The following LRRC7 variants were observed in gnomAD, a reference collection of about 807,000 sequenced individuals.
LRRC7 encodes leucine-rich repeat-containing protein 7.
LRRC7 carries 23 observed loss-of-function variants against 175.7 expected under a neutral mutation model. The ratio of observed to expected loss-of-function variants is 0.13; its 90% CI spans 0.09 to 0.19. LRRC7 has a LOEUF of 0.19. LRRC7 is among the 10% of genes least tolerant of loss of function. LRRC7 has a pLI of 1.00. For synonymous variants in LRRC7, 685 were observed against 680.9 expected, an observed-to-expected ratio of 1.01 and a Z score of -0.09; for missense variants, 1,354 against 1,904.7, an observed-to-expected ratio of 0.71 and a Z score of 5.38.
chr1:69,687,905 C>A (rs1193396107), intron 2 of LRRC7, among the ~76,000 whole-genome samples: 1 of 152,130 alleles, frequency 6.6e-6, no homozygotes, highest in South Asian at 2.1e-4. Flanking sequence ...ATGATTTAGC[C>A]TTTTTCTAAT....
chr1:69,737,229 G>A (rs1488927433), intron 2 of LRRC7, among the ~76,000 whole-genome samples: 3 of 152,082 alleles, frequency 2.0e-5, no homozygotes, highest in Admixed American at 6.6e-5. Context: ...TGTTGTGAGA[G>A]GAACCTGGTG....
At chr1:69,827,292 A>C (rs1483273227) in intron 5 of LRRC7, among the ~76,000 whole-genome samples, 1 of 152,082 alleles carries the variant, frequency 6.6e-6, no homozygotes, top group African/African-American at 2.4e-5. Context: ...CTTATTTAGG[A>C]ATCATGGTAG....
In LRRC7 at chr1:70,139,888, AT is replaced by A. The variant is rs1667000853; in HGVS notation, c.*18003del. 6.6e-6 allele frequency: 1 copy of A among 152,154 alleles called. No homozygotes were observed. The highest frequency in any genetic ancestry group is 2.4e-5 in the African/African-American group (1 of 41,440). 9.4% of individuals were successfully genotyped at this position (152,154 alleles called of 1,614,324 possible). A position where few individuals can be genotyped will look rare whatever the true frequency, so the allele number is the denominator to read the frequency against. On this transcript the variant is annotated 3_prime_UTR_variant, in exon 27 of 27. Transcript: ENST00000651989. ...TACAGTCTGGTTTGATCAGTTTATT[AT>A]TAAGTACTGAATGACAGAGAAGGGT...
At chr1:69,708,724 G>A (rs915496885) in intron 2 of LRRC7, among the ~76,000 whole-genome samples, 4 of 152,148 alleles carry the variant, frequency 2.6e-5, no homozygotes, top group Admixed American at 6.5e-5. Flanking sequence ...GATCTAAGGA[G>A]TCTCTGTTGG....
chr1:70,027,891 G>A (rs1658292464), intron 17 of LRRC7, among the ~76,000 whole-genome samples: 1 of 152,126 alleles, frequency 6.6e-6, no homozygotes, highest in Admixed American at 6.6e-5. Context: ...AATCACTTAA[G>A]TGTTTTGACC....
rs978466620 is a variant in LRRC7, at chr1:69,568,195, C to T, written c.-445C>T. Reference sequence around the variant, plus strand: ...TTGTTACGGAGTTGGGTGCAGGATTCGCCTTTCCTGCTTGTCTCTTCTCCG... The same window carrying T: ...TTGTTACGGAGTTGGGTGCAGGATTTGCCTTTCCTGCTTGTCTCTTCTCCG... On this transcript the variant is annotated 5_prime_UTR_variant, in exon 1 of 27. Coordinates refer to ENST00000651989, the MANE Select transcript of LRRC7 (RefSeq NM_001370785.2). Among the ~76,000 whole-genome samples, 2 of 152,036 alleles carry T rather than the reference C, an allele frequency of 1.3e-5. No homozygotes were observed. Among genetic ancestry groups the T allele is most frequent in the African/African-American group, 4.8e-5 (2 of 41,412 alleles).
Position 70,139,383 on chromosome 1 carries a change from C to T in LRRC7, c.*17496C>T, listed in dbSNP as rs1407605402. On this transcript the variant is annotated 3_prime_UTR_variant, in exon 27 of 27. Transcript: ENST00000651989. Reference sequence around the variant, plus strand: ...AGTCATAAGTGAGAAAGAAAACAAGCATGTCTAGTGAAATCTGTCCAGTGT... The same window carrying T: ...AGTCATAAGTGAGAAAGAAAACAAGTATGTCTAGTGAAATCTGTCCAGTGT... 6.6e-6 allele frequency: 1 copy of T among 152,180 alleles called. No homozygotes were observed. The highest frequency in any genetic ancestry group is 2.4e-5 in the African/African-American group (1 of 41,462). The allele number at this position is 152,180 out of a possible 1,614,324, so 9.4% of individuals were successfully genotyped here.
chr1:69,887,063 T>C (rs1432442055), intron 7 of LRRC7, among the ~76,000 whole-genome samples: 1 of 149,356 alleles, frequency 6.7e-6, no homozygotes. Context: ...TTTTCCTACA[T>C]TTCAACTTTG....
At chr1:69,899,667 G>GC (rs977953742) in intron 7 of LRRC7, among the ~76,000 whole-genome samples, 7 of 152,294 alleles carry the variant, frequency 4.6e-5, no homozygotes, top group South Asian at 4.1e-4. Flanking sequence ...TTTCAGTGTG[G>GC]CCCCTCCAAA....
chr1:69,929,385 C>T (rs963274288), intron 7 of LRRC7, among the ~76,000 whole-genome samples: 2 of 152,166 alleles, frequency 1.3e-5, no homozygotes, highest in African/African-American at 2.4e-5. Flanking sequence ...TACCCAAAAC[C>T]CTGCTCCACT....
intron 3 of LRRC7, among the ~76,000 whole-genome samples, chr1:69,762,096 T>C (rs1671103055): frequency 6.6e-6 from 1 of 152,024 alleles, no homozygotes; most frequent in Non-Finnish European, 1.5e-5. Context: ...AAAAATTTTT[T>C]TTATTTACAT....
At chr1:69,676,007 GCACA>G (rs57846147) in intron 1 of LRRC7, among the ~76,000 whole-genome samples, 9,447 of 147,390 alleles carry the variant, frequency 0.064, 323 homozygotes, top group African/African-American at 0.086. Flanking sequence ...ATGAGTGCAT[GCACA>G]CACACACACA....
intron 4 of LRRC7, among the ~76,000 whole-genome samples, chr1:69,823,924 G>A (rs1679597438): frequency 1.3e-5 from 2 of 152,064 alleles, no homozygotes; most frequent in Non-Finnish European, 2.9e-5. Flanking sequence ...CCAGCCAGAA[G>A]GTATATAGCT....
chr1:69,796,582 C>T (rs1054724894), intron 4 of LRRC7, among the ~76,000 whole-genome samples: 5 of 151,924 alleles, frequency 3.3e-5, no homozygotes, highest in Non-Finnish European at 5.9e-5. Flanking sequence ...GTCGGGAGTT[C>T]GAGACCAGCC....
intron 3 of LRRC7, among the ~76,000 whole-genome samples, chr1:69,789,661 C>G (rs890899781): frequency 1.3e-5 from 2 of 151,990 alleles, no homozygotes; most frequent in African/African-American, 4.8e-5. Context: ...GAATATAGCA[C>G]TCTCTTTATT....
chr1:70,088,770 G>A (rs879449794), intron 24 of LRRC7, among the ~76,000 whole-genome samples: 2 of 151,952 alleles, frequency 1.3e-5, no homozygotes, highest in African/African-American at 2.4e-5. Context: ...GTTTCTCTAG[G>A]TCATCCCTGG....
At chr1:69,904,105 A>T (rs919855664) in intron 7 of LRRC7, among the ~76,000 whole-genome samples, 5 of 152,194 alleles carry the variant, frequency 3.3e-5, no homozygotes, top group Admixed American at 3.3e-4. Context: ...ATTTATAGAC[A>T]CTATTCACAA....
At chr1:69,637,507 G>A (rs938041697) in intron 1 of LRRC7, among the ~76,000 whole-genome samples, 1 of 151,756 alleles carries the variant, frequency 6.6e-6, no homozygotes, top group African/African-American at 2.4e-5. Flanking sequence ...AAACATGGAG[G>A]CTTTGGCAAG....
intron 1 of LRRC7, among the ~76,000 whole-genome samples, chr1:69,612,657 G>C (rs1359989226): frequency 6.6e-6 from 1 of 151,964 alleles, no homozygotes; most frequent in Admixed American, 6.6e-5. Flanking sequence ...GTGAAGAAGT[G>C]TCTTTTTTGA....
Sources: allele counts gnomAD v4.1 joint callset (sites outside exome capture counted in the v4.1 genomes callset), GRCh38; gene constraint gnomAD v4.1.1; transcripts MANE v1.5; gene names NCBI Gene and HGNC (gene_info 2026-07-23, HGNC 2026-07-21).